Variants in ADCY7 observed in about 807,000 individuals in gnomAD.
The protein encoded by ADCY7 is adenylate cyclase type 7.
A neutral mutation model predicts 120.6 loss-of-function variants in ADCY7; 72 were observed. That is an observed-to-expected ratio of 0.60 (90% CI 0.49 to 0.73). ADCY7 has a LOEUF of 0.73. Among genes scored for constraint, ADCY7 ranks in the 30% least tolerant of loss-of-function variants. The probability of loss-of-function intolerance (pLI) is 0.00; values close to 1 mark genes in which losing one functional copy is unlikely to be tolerated. For synonymous variants in ADCY7, 661 were observed against 628.0 expected (o/e 1.05, Z -0.78); for missense variants, 1,227 against 1,486.0 (o/e 0.83, Z 2.87).
chr16:50,309,301 G>A (rs534885721), intron 17 of ADCY7: 17 of 483,266 alleles, frequency 3.5e-5, no homozygotes, highest in African/African-American at 1.4e-4. Context: ...TGTTGGTCCC[G>A]GCCCCTCCCC....
chr16:50,249,937 C>A (rs1323445560), intron 1 of ADCY7, among the ~76,000 whole-genome samples: 2 of 152,218 alleles, frequency 1.3e-5, no homozygotes, highest in African/African-American at 4.8e-5. Context: ...AAAGGTCTTT[C>A]TTTGGAAGCT....
chr16:50,265,225 C>T (rs956552829), upstream of ADCY7, among the ~76,000 whole-genome samples: 1 of 152,166 alleles, frequency 6.6e-6, no homozygotes, highest in African/African-American at 2.4e-5. Context: ...TCTTTCCCCT[C>T]TTTTGATGAT....
chr16:50,293,984 T>C (rs1290045245), intron 6 of ADCY7, among the ~76,000 whole-genome samples: 5 of 152,024 alleles, frequency 3.3e-5, no homozygotes, highest in African/African-American at 9.7e-5. Flanking sequence ...CTGGGTGCCG[T>C]TGAGTGTAGA....
intron 1 of ADCY7, among the ~76,000 whole-genome samples, chr16:50,268,513 G>A (rs542687314): frequency 3.3e-5 from 5 of 152,228 alleles, no homozygotes; most frequent in South Asian, 2.1e-4. Flanking sequence ...CAATCTTACC[G>A]CCTCAGCCTT....
rs547253378 is a variant in ADCY7 at position 50,292,017 on chromosome 16, C to G, written c.537+120C>G. On this transcript the variant is annotated intron_variant, in intron 4 of 25. Transcript: ENST00000673801. ...CCCGGAGCCGTGTTTGCAGACAGCC[C>G]GCTCCAAGGCCGGGCCCTCTCCACG... 401 of 1,135,670 alleles carry G rather than the reference C, an allele frequency of 3.5e-4. 4 individuals carry two copies. In the East Asian group the frequency reaches 9.4e-3, roughly 27 times the overall value. 70.3% of individuals were successfully genotyped at this position (1,135,670 alleles called of 1,614,324 possible). A position where few individuals can be genotyped will look rare whatever the true frequency, so the allele number is the denominator to read the frequency against.
At chr16:50,312,773 C>A in intron 21 of ADCY7, 117 bp from the exon 22 acceptor site, 2 of 958,876 alleles carry the variant, frequency 2.1e-6, no homozygotes, top group Non-Finnish European at 3.0e-6. Flanking sequence ...CCCCCCTCCC[C>A]ACTCCCCGAA....
chr16:50,246,371 C>T (rs2032586840), intron 1 of ADCY7, among the ~76,000 whole-genome samples: 1 of 152,018 alleles, frequency 6.6e-6, no homozygotes, highest in Non-Finnish European at 1.5e-5. Context: ...GGTGGCGGCT[C>T]CTGCCCGGGT....
In ADCY7 at chr16:50,297,645, C is replaced by A. The variant is rs1333786345; in HGVS notation, c.949-1259C>A. Among the ~76,000 whole-genome samples, 2 of 152,036 alleles carry A rather than the reference C, an allele frequency of 1.3e-5. No homozygotes were observed. Among genetic ancestry groups the A allele is most frequent in the African/African-American group, 4.8e-5 (2 of 41,376 alleles). The stretch of plus-strand genomic sequence containing the variant: ...TCCCAGGCTGGGCAGGTGCAGGGGA[C>A]CTGGAGGCAGGGCTGGTGCTGTGTC... On this transcript the variant is annotated intron_variant, in intron 7 of 25. Transcript: ENST00000673801. This position sits in a 1 kb window ranked among gnomAD's most constrained non-coding sequence, Gnocchi z 4.4.
intron 4 of ADCY7, 62 bp downstream of exon 4, chr16:50,291,959 G>T (rs1428915639): frequency 7.2e-6 from 11 of 1,527,904 alleles, no homozygotes; most frequent in Admixed American, 2.1e-5. Flanking sequence ...GGCAGATGGG[G>T]GGGCCCCCTC....
At chr16:50,253,684 G>T (rs1247355182) in intron 1 of ADCY7, among the ~76,000 whole-genome samples, 1 of 152,226 alleles carries the variant, frequency 6.6e-6, no homozygotes, top group African/African-American at 2.4e-5. Context: ...GTGGTCAGAG[G>T]ATGAGACAGG....
chr16:50,270,459 T>C (rs1369221400), intron 1 of ADCY7, among the ~76,000 whole-genome samples: 1 of 152,190 alleles, frequency 6.6e-6, no homozygotes, highest in African/African-American at 2.4e-5. Flanking sequence ...AGCCTGTTTC[T>C]TGCACCTGTG....
intron 1 of ADCY7, among the ~76,000 whole-genome samples, chr16:50,285,806 A>T (rs3760013): frequency 0.62 from 94,961 of 152,012 alleles, 30,702 homozygotes; most frequent in Middle Eastern, 0.74. Flanking sequence ...TAATTTTCCT[A>T]CCTTTGGAGA....
At chr16:50,290,786 G>A in intron 3 of ADCY7, 126 bp downstream of exon 3, 1 of 1,071,966 alleles carries the variant, frequency 9.3e-7, no homozygotes, top group South Asian at 1.6e-5. Flanking sequence ...CCCCAGGCTG[G>A]TTTTGTCCCT....
At chr16:50,307,376 A>C (rs1596974499) in intron 15 of ADCY7, among the ~76,000 whole-genome samples, 1 of 148,456 alleles carries the variant, frequency 6.7e-6, no homozygotes, top group Admixed American at 6.7e-5. Flanking sequence ...CTCTCTCCTC[A>C]GCCACCTGTC....
chr16:50,303,117 AG>A (rs2035839466), intron 10 of ADCY7, among the ~76,000 whole-genome samples: 1 of 152,164 alleles, frequency 6.6e-6, no homozygotes, highest in Admixed American at 6.5e-5. Context: ...TTCTCTGCTA[AG>A]TGCCAGTGAC....
In ADCY7 at chr16:50,313,960, C is replaced by T. The variant is rs775130486; in HGVS notation, c.2754C>T (p.Leu918=). The T allele has an allele frequency of 6.2e-7, 1 of 1,613,066 alleles. No homozygotes were observed. The highest frequency in any genetic ancestry group is 8.5e-7 in the Non-Finnish European group (1 of 1,179,244). ...LNEIIADFDE[L]LLKPKFSGVE... Reference sequence around the variant, plus strand: ...CACCGCTTCCTTCTTGCCTGCAGCTCCTACTGAAGCCCAAGTTCAGCGGCG... The same window carrying T: ...CACCGCTTCCTTCTTGCCTGCAGCTTCTACTGAAGCCCAAGTTCAGCGGCG... The change falls in exon 23 of 26, where the codon CTC becomes CTT. Residue 918 remains leucine (L), a splice_region_variant and synonymous_variant. Transcript: ENST00000673801.
rs762115520 is a variant in ADCY7 at position 50,308,372 on chromosome 16, G to T, written c.1896G>T (p.Leu632=). The T allele has an allele frequency of 5.0e-6, 8 of 1,614,166 alleles. No homozygotes were observed. Among genetic ancestry groups the T allele is most frequent in the Non-Finnish European group, 6.8e-6 (8 of 1,180,038 alleles). Residue 632 remains leucine (L), a synonymous_variant, in exon 16 of 26, where the codon CTG becomes CTT. Transcript: ENST00000673801. The part of the protein sequence containing the change: ...GVSFGLVACV[L]GLVLGLCFAT... Reference sequence around the variant, plus strand: ...CCTTCGGGCTGGTGGCCTGTGTACTGGGGCTGGTGCTGGGCCTGTGCTTTG... The same window carrying T: ...CCTTCGGGCTGGTGGCCTGTGTACTTGGGCTGGTGCTGGGCCTGTGCTTTG...
chr16:50,294,046 A>G (rs1248710598), intron 6 of ADCY7, among the ~76,000 whole-genome samples: 1 of 152,140 alleles, frequency 6.6e-6, no homozygotes, highest in Non-Finnish European at 1.5e-5. Flanking sequence ...CCAGCATTAC[A>G]TCCAAGGCTG....
Position 50,310,785 on chromosome 16 carries a change from G to A in ADCY7, c.2259G>A (p.Val753=). 1 of 1,614,166 alleles carries A rather than the reference G, an allele frequency of 6.2e-7. No individual in the cohort carries two copies. Residue 753 remains valine (V), a synonymous_variant, in exon 19 of 26, where the codon GTG becomes GTA. Transcript: ENST00000673801. ...TTGTGCTGCTGACAGTGGCCCTGGT[G>A]GCCTACCTGGTGCTCTTCAACCTCT... is the stretch of plus-strand genomic sequence containing the variant. ...PKVVLLTVAL[V]AYLVLFNLSP... is the part of the protein sequence containing the mutation.
Sources: allele counts gnomAD v4.1 joint callset (sites outside exome capture counted in the v4.1 genomes callset), GRCh38; gene constraint gnomAD v4.1.1; non-coding constraint Gnocchi (gnomAD v3.1); transcripts MANE v1.5; gene names NCBI Gene and HGNC (gene_info 2026-07-23, HGNC 2026-07-21).